Variants in PFDN1 observed in about 807,000 individuals in gnomAD.
PFDN1 encodes prefoldin 1.
PFDN1 carries 6 observed loss-of-function variants against 17.3 expected under a neutral mutation model. That is an observed-to-expected ratio of 0.35 (90% CI 0.19 to 0.69). The LOEUF is 0.69. PFDN1 is among the 30% of genes least tolerant of loss of function. The pLI, the probability that PFDN1 is intolerant of heterozygous loss-of-function variation, is 0.65. For synonymous variants in PFDN1, 58 were observed against 50.1 expected, an observed-to-expected ratio of 1.16 and a Z score of -0.67; for missense variants, 113 against 146.2, an observed-to-expected ratio of 0.77 and a Z score of 1.17.
chr5:140,246,510 C>T (rs570388447), intron 3 of PFDN1, among the ~76,000 whole-genome samples: 1 of 152,210 alleles, frequency 6.6e-6, no homozygotes, highest in African/African-American at 2.4e-5. Context: ...CTGCCCTGTC[C>T]AGCAGGAATA....
At chr5:140,264,396 C>T (rs1765107989) in intron 3 of PFDN1, among the ~76,000 whole-genome samples, 1 of 152,194 alleles carries the variant, frequency 6.6e-6, no homozygotes, top group Non-Finnish European at 1.5e-5. Flanking sequence ...TCATCTAATT[C>T]CAGAGTTCAT....
intron 1 of PFDN1, among the ~76,000 whole-genome samples, chr5:140,300,892 T>C (rs1179025196): frequency 6.6e-6 from 1 of 152,176 alleles, no homozygotes; most frequent in Non-Finnish European, 1.5e-5. Context: ...ATCCAGAGAT[T>C]CAAAACAAGA....
chr5:140,276,104 A>G (rs985674593), intron 3 of PFDN1, among the ~76,000 whole-genome samples: 5 of 152,152 alleles, frequency 3.3e-5, no homozygotes, highest in African/African-American at 1.2e-4. Context: ...CTGACAAGAA[A>G]TACTAGGTCT....
chr5:140,262,303 T>C (rs752428038), intron 3 of PFDN1, among the ~76,000 whole-genome samples: 11 of 152,196 alleles, frequency 7.2e-5, no homozygotes, highest in Non-Finnish European at 1.2e-4. Flanking sequence ...GGAATCCCCA[T>C]TTCTTTCCGA....
intron 3 of PFDN1, among the ~76,000 whole-genome samples, chr5:140,258,908 T>C (rs1299124311): frequency 3.3e-5 from 5 of 152,200 alleles, no homozygotes; most frequent in African/African-American, 7.2e-5. Context: ...TAATTTTGCA[T>C]AGACGTGGTA....
intron 2 of PFDN1, among the ~76,000 whole-genome samples, chr5:140,299,360 T>C (rs1765704014): frequency 6.6e-6 from 1 of 152,148 alleles, no homozygotes; most frequent in East Asian, 1.9e-4. Flanking sequence ...ATCCCAGCAC[T>C]GTGGGAGGCC....
At chr5:140,248,220 C>A (rs1764860596) in intron 3 of PFDN1, among the ~76,000 whole-genome samples, 1 of 151,870 alleles carries the variant, frequency 6.6e-6, no homozygotes, top group South Asian at 2.1e-4. Context: ...AGGCACACAC[C>A]ACCACGCTGG....
chr5:140,259,899 T>G (rs938152777), intron 3 of PFDN1, among the ~76,000 whole-genome samples: 1 of 152,184 alleles, frequency 6.6e-6, no homozygotes. Context: ...AATTTTAAAA[T>G]AAGCAAAGGA....
Position 140,277,803 on chromosome 5 carries a change from T to C in PFDN1, c.285+3646A>G, listed in dbSNP as rs557955605. On this transcript the variant is annotated intron_variant, in intron 3 of 3. Coordinates refer to ENST00000261813, the MANE Select transcript of PFDN1 (RefSeq NM_002622.5). ...GAGAAACTACAAAGCATGAAAGACA[T>C]AGACAAGTAAAAACAGGTAAAGAGA... is the stretch of plus-strand genomic sequence containing the variant. Among the ~76,000 whole-genome samples, 19 of 150,110 alleles carry C rather than the reference T, an allele frequency of 1.3e-4. No individual in the cohort carries two copies. In the South Asian group the frequency reaches 1.7e-3, roughly 13 times the overall value.
intron 2 of PFDN1, 105 bp from the exon 3 acceptor site, chr5:140,281,638 A>G: frequency 1.5e-6 from 1 of 681,760 alleles, no homozygotes; most frequent in Non-Finnish European, 2.6e-6. Flanking sequence ...TAAAAGGACA[A>G]ATGCATATTA....
chr5:140,295,585 C>A (rs568220856), intron 2 of PFDN1, among the ~76,000 whole-genome samples: 4 of 152,144 alleles, frequency 2.6e-5, no homozygotes, highest in Non-Finnish European at 4.4e-5. Context: ...GGCTACATAA[C>A]AGCCTCTCTA....
chr5:140,271,369 C>G (rs557787353), intron 3 of PFDN1, among the ~76,000 whole-genome samples: 1 of 152,282 alleles, frequency 6.6e-6, no homozygotes, highest in African/African-American at 2.4e-5. Flanking sequence ...GAGATAAGTA[C>G]TCATGTTTGA....
At chr5:140,265,071 C>A (rs1765117259) in intron 3 of PFDN1, among the ~76,000 whole-genome samples, 1 of 152,148 alleles carries the variant, frequency 6.6e-6, no homozygotes, top group Non-Finnish European at 1.5e-5. Context: ...CATGGCAGAC[C>A]TTTTATCTGC....
intron 2 of PFDN1, among the ~76,000 whole-genome samples, chr5:140,300,189 G>A (rs1765721108): frequency 6.6e-6 from 1 of 152,052 alleles, no homozygotes; most frequent in African/African-American, 2.4e-5. Context: ...ACAGGCAAGT[G>A]CCACCATGCT....
At chr5:140,260,101 G>T (rs1433802988) in intron 3 of PFDN1, among the ~76,000 whole-genome samples, 1 of 152,142 alleles carries the variant, frequency 6.6e-6, no homozygotes, top group Non-Finnish European at 1.5e-5. Flanking sequence ...ACTTTGGAAG[G>T]CCAACATGGG....
At chr5:140,292,187 A>T (rs1765590979) in intron 2 of PFDN1, among the ~76,000 whole-genome samples, 1 of 152,138 alleles carries the variant, frequency 6.6e-6, no homozygotes, top group Non-Finnish European at 1.5e-5. Flanking sequence ...CAAACATTCC[A>T]CGTATAGGCA....
rs377254859 is a variant in PFDN1 at position 140,296,479 on chromosome 5, C to T, written c.200+3937G>A. On this transcript the variant is annotated intron_variant, in intron 2 of 3. Transcript: ENST00000261813. ...GCTGTAGGAACAAAAGCCCTACTAT[C>T]GCCAAGGAAAGAGTGAATGAGTCTG... Among the ~76,000 whole-genome samples, 8 of 152,222 alleles carry T rather than the reference C, an allele frequency of 5.3e-5. No homozygotes were observed. The East Asian group carries it at 1.2e-3, about 22-fold the overall frequency.
At chr5:140,257,060 AAAAAT>A in intron 3 of PFDN1, among the ~76,000 whole-genome samples, 1 of 152,160 alleles carries the variant, frequency 6.6e-6, no homozygotes, top group Admixed American at 6.5e-5. Context: ...TGTCTCTACT[AAAAAT>A]AAAAAAAATT....
Position 140,281,449 on chromosome 5 carries a change from TTC to T in PFDN1, c.283_284del (p.Glu95ThrfsTer11). ...ACTCCTATTGCCAATAAAAACTTACTTCTAGTTCTTTAATTTTTTCTTCTGCT... is the reference window on the plus strand; with the variant it reads ...ACTCCTATTGCCAATAAAAACTTACTTAGTTCTTTAATTTTTTCTTCTGCT... The part of the protein sequence containing the change: ...KIAEEKIKEL[E>X]QKKSYLERSV... On this transcript the variant is annotated frameshift_variant and splice_region_variant, in exon 3 of 4. Coordinates refer to ENST00000261813, the MANE Select transcript of PFDN1 (RefSeq NM_002622.5). LOFTEE classifies it high-confidence loss of function. 1 of 1,417,962 alleles carries T rather than the reference TTC, an allele frequency of 7.1e-7. No homozygotes were observed. Among genetic ancestry groups the T allele is most frequent in the Non-Finnish European group, 1.0e-6 (1 of 1,002,906 alleles). 87.8% of individuals were successfully genotyped at this position (1,417,962 alleles called of 1,614,324 possible). A position where few individuals can be genotyped will look rare whatever the true frequency, so the allele number is the denominator to read the frequency against.
Sources: gnomAD v4.1 joint callset for allele counts (sites outside exome capture counted in the v4.1 genomes callset) on GRCh38, gnomAD v4.1.1 for gene constraint, MANE v1.5 for transcripts, NCBI Gene and HGNC (gene_info 2026-07-23, HGNC 2026-07-21) for gene names.